The following ABLIM1 variants were observed in gnomAD, a reference collection of about 807,000 sequenced individuals.
ABLIM1 encodes the protein actin binding LIM protein 1.
ABLIM1 carries 40 observed loss-of-function variants against 107.0 expected under a neutral mutation model. That is an observed-to-expected ratio of 0.37 (90% CI 0.29 to 0.49). The LOEUF is 0.49. Among genes scored for constraint, ABLIM1 ranks in the 20% least tolerant of loss-of-function variants. The pLI, the probability that ABLIM1 is intolerant of heterozygous loss-of-function variation, is 0.97. For missense variants in ABLIM1, 857 were observed against 1,008.5 expected (o/e 0.85, Z 2.04); for synonymous variants, 357 against 357.3 (o/e 1.00, Z 0.01).
chr10:114,615,952 C>T (rs2077104762), intron 1 of ABLIM1, among the ~76,000 whole-genome samples: 2 of 152,164 alleles, frequency 1.3e-5, no homozygotes, highest in South Asian at 4.1e-4. Flanking sequence ...GTTTGGGTGG[C>T]CCCAGAGCCT....
chr10:114,793,225 C>G, the ABLIM1 span, among the ~76,000 whole-genome samples: 10 of 152,126 alleles, frequency 6.6e-5, no homozygotes, highest in Admixed American at 6.6e-5. Context: ...GTAACTGGAT[C>G]AGGAGGGCAG....
chr10:114,621,624 T>C (rs1250823992), intron 1 of ABLIM1, among the ~76,000 whole-genome samples: 1 of 152,202 alleles, frequency 6.6e-6, no homozygotes, highest in Non-Finnish European at 1.5e-5. Context: ...CTTGGGACTA[T>C]AGCTCTTCCT....
rs541574843 is a variant in ABLIM1 at position 114,693,795 on chromosome 10, A to G, written c.-213+74266T>C. ...TCCCAAACAGCTAGGACACAGGCAC[A>G]TGCTACCATGCCTGGCTGATTTTAA... On this transcript the variant is annotated intron_variant, in intron 1 of 15. Coordinates refer to the ABLIM1 transcript ENST00000651092. Among the ~76,000 whole-genome samples, 11 of 151,056 alleles carry G rather than the reference A, an allele frequency of 7.3e-5. No individual in the cohort carries two copies. In the South Asian group the frequency reaches 2.1e-3, roughly 29 times the overall value.
intron 6 of ABLIM1, among the ~76,000 whole-genome samples, chr10:114,524,306 A>G (rs889781378): frequency 6.6e-6 from 1 of 152,244 alleles, no homozygotes; most frequent in African/African-American, 2.4e-5. Flanking sequence ...GCAAACAAGC[A>G]GTAGCATTAA....
chr10:114,626,539 A>G (rs1408609394), intron 1 of ABLIM1, among the ~76,000 whole-genome samples: 2 of 152,018 alleles, frequency 1.3e-5, no homozygotes, highest in African/African-American at 4.8e-5. Flanking sequence ...AACTGAGCTC[A>G]TCTCCTTCCT....
At chr10:114,694,323 T>G (rs1228010310) in intron 1 of ABLIM1, among the ~76,000 whole-genome samples, 1 of 152,160 alleles carries the variant, frequency 6.6e-6, no homozygotes, top group Non-Finnish European at 1.5e-5. Flanking sequence ...CACTTGGGGT[T>G]GCATTCTGGA....
At chr10:114,517,560 T>C (rs2063059115) in intron 6 of ABLIM1, among the ~76,000 whole-genome samples, 1 of 152,142 alleles carries the variant, frequency 6.6e-6, no homozygotes, top group Non-Finnish European at 1.5e-5. Flanking sequence ...TGATCTATGA[T>C]ATCCTTAGGA....
At chr10:114,741,581 A>G (rs2082289844) in intron 1 of ABLIM1, among the ~76,000 whole-genome samples, 1 of 152,156 alleles carries the variant, frequency 6.6e-6, no homozygotes, top group Non-Finnish European at 1.5e-5. Context: ...ATCTAAAATC[A>G]AAAGAACTTC....
At chr10:114,476,646 A>AAATAAGAATAAT (rs1555068641) in intron 8 of ABLIM1, among the ~76,000 whole-genome samples, 61 of 143,282 alleles carry the variant, frequency 4.3e-4, no homozygotes, top group African/African-American at 1.5e-3. Flanking sequence ...CTCTGCCTCA[A>AAATAAGAATAAT]AATAATAATA....
chr10:114,768,378 G>A (rs1159773321), upstream of ABLIM1, among the ~76,000 whole-genome samples: 2 of 150,626 alleles, frequency 1.3e-5, no homozygotes, highest in Admixed American at 6.6e-5. Context: ...CCGCGGCGCC[G>A]GGCGGGGCTC....
chr10:114,599,207 A>T (rs934243175), intron 2 of ABLIM1, among the ~76,000 whole-genome samples: 1 of 152,254 alleles, frequency 6.6e-6, no homozygotes, highest in Admixed American at 6.5e-5. Flanking sequence ...AATAATTCCT[A>T]CAGATAGCAA....
intron 6 of ABLIM1, among the ~76,000 whole-genome samples, chr10:114,543,410 C>T (rs1055552212): frequency 1.3e-5 from 2 of 152,144 alleles, no homozygotes; most frequent in African/African-American, 4.8e-5. Context: ...TGGCATCATA[C>T]AATATGTGGC....
intron 6 of ABLIM1, among the ~76,000 whole-genome samples, chr10:114,507,860 T>C (rs889887861): frequency 7.2e-5 from 11 of 152,210 alleles, no homozygotes; most frequent in Non-Finnish European, 1.3e-4. Context: ...AAAGTCTGTG[T>C]TGTCCCTCAA....
chr10:114,643,182 C>T (rs971361060), intron 1 of ABLIM1, among the ~76,000 whole-genome samples: 3 of 152,194 alleles, frequency 2.0e-5, no homozygotes, highest in African/African-American at 7.2e-5. Context: ...GAAACTGACA[C>T]CACAATTACC....
In ABLIM1 at chr10:114,658,170, C is replaced by T. The variant is rs764916713; in HGVS notation, c.31G>A (p.Gly11Arg). The change falls in exon 1 of 23, where the codon GGG becomes AGG. Residue 11 changes from glycine (G) to arginine (R), a missense_variant. Physicochemically the swap from Gly to Arg is moderately radical, Grantham distance 125 (BLOSUM62 -2). Around this residue, in one of 5 missense-constraint regions of ABLIM1, gnomAD observed 176 missense variants for 173.5 expected, o/e 1.01. Transcript: ENST00000533213. The stretch of plus-strand genomic sequence containing the variant: ...CTTTTCTCAGAGCTGCACAATTTCC[C>T]CAGACACTTTAGACCAAGGAAGGCA... MPAFLGLKCL[G>R]KLCSSEKSKV... 9 of 1,613,202 alleles carry T rather than the reference C, an allele frequency of 5.6e-6. No homozygotes were observed. Among genetic ancestry groups the T allele is most frequent in the Non-Finnish European group, 8.5e-7 (1 of 1,179,264 alleles).
At chr10:114,502,518 A>T (rs991790669) in intron 6 of ABLIM1, among the ~76,000 whole-genome samples, 3 of 151,812 alleles carry the variant, frequency 2.0e-5, no homozygotes, top group Non-Finnish European at 2.9e-5. Flanking sequence ...ATTTTTTGAG[A>T]CAGAGATTCA....
intron 1 of ABLIM1, among the ~76,000 whole-genome samples, chr10:114,691,284 G>A (rs1027552316): frequency 6.6e-6 from 1 of 152,122 alleles, no homozygotes; most frequent in African/African-American, 2.4e-5. Context: ...AATACACGTG[G>A]ATGCCAATTA....
At chr10:114,717,713 A>C (rs1210111147) in intron 1 of ABLIM1, among the ~76,000 whole-genome samples, 1 of 152,004 alleles carries the variant, frequency 6.6e-6, no homozygotes, top group African/African-American at 2.4e-5. Context: ...CCAGGAGTTC[A>C]AGATCAGCCT....
chr10:114,579,749 C>A (rs1454216790), intron 2 of ABLIM1, among the ~76,000 whole-genome samples: 1 of 152,192 alleles, frequency 6.6e-6, no homozygotes, highest in Non-Finnish European at 1.5e-5. Context: ...AATCCCTATT[C>A]CCTCTTCCTC....
Sources: gnomAD v4.1 joint callset for allele counts (sites outside exome capture counted in the v4.1 genomes callset) on GRCh38, gnomAD v4.1.1 for gene constraint, gnomAD v4.1.1 regional missense constraint, MANE v1.5 for transcripts, NCBI Gene and HGNC (gene_info 2026-07-23, HGNC 2026-07-21) for gene names.